PIK3C2G: variants seen among roughly 807,000 people sequenced by gnomAD.
PIK3C2G encodes phosphatidylinositol 3-kinase C2 domain-containing subunit gamma.
PIK3C2G carries 168 observed loss-of-function variants against 181.1 expected under a neutral mutation model. The ratio of observed to expected loss-of-function variants is 0.93; its 90% confidence interval spans 0.82 to 1.05. The LOEUF (loss-of-function observed/expected upper bound fraction) is 1.05, where lower values mean the gene tolerates loss of function less well. Among genes scored for constraint, PIK3C2G ranks in the 50% least tolerant of loss-of-function variants. The pLI, the probability that PIK3C2G is intolerant of heterozygous loss-of-function variation, is 0.00. For missense variants in PIK3C2G, 1,869 were observed against 1,732.8 expected, an observed-to-expected ratio of 1.08 and a Z score of -1.40; for synonymous variants, 573 against 592.2, an observed-to-expected ratio of 0.97 and a Z score of 0.47.
At position 18,282,010 on chromosome 12, in the gene PIK3C2G, T is replaced by A; in HGVS notation, c.-72T>A. On this transcript the variant is annotated 5_prime_UTR_variant, in exon 2 of 33. Transcript: ENST00000538779. ...CATTTTATGCTTTTTCTAGGAAAAT[T>A]TCTATCTTCTTTTGTATTATCAAGG... The A allele has an allele frequency of 1.1e-6, 1 of 875,080 alleles. No homozygotes were observed. The highest frequency in any genetic ancestry group is 1.7e-6 in the Non-Finnish European group (1 of 574,900). The allele number at this position is 875,080 out of a possible 1,614,324, so 54.2% of individuals were successfully genotyped here.
At chr12:18,477,614 C>G (rs745955056) in intron 18 of PIK3C2G, among the ~76,000 whole-genome samples, 8 of 152,184 alleles carry the variant, frequency 5.3e-5, no homozygotes, top group Admixed American at 1.3e-4. Context: ...TGGTCCCAGC[C>G]AACTTTAGGG....
At chr12:18,710,126 T>C in the PIK3C2G span, among the ~76,000 whole-genome samples, 2 of 150,500 alleles carry the variant, frequency 1.3e-5, no homozygotes, top group East Asian at 2.0e-4. Flanking sequence ...GCTTCTTTTC[T>C]TCCTATTGGA....
intron 29 of PIK3C2G, among the ~76,000 whole-genome samples, chr12:18,583,345 GA>G (rs1946602030): frequency 6.6e-6 from 1 of 151,942 alleles, no homozygotes; most frequent in Admixed American, 6.6e-5. Context: ...CAGCCCTACA[GA>G]AAAGTGGCCA....
intron 5 of PIK3C2G, among the ~76,000 whole-genome samples, chr12:18,296,851 C>G (rs760994826): frequency 6.6e-6 from 1 of 151,928 alleles, no homozygotes; most frequent in African/African-American, 2.4e-5. Context: ...TTTTGTCATA[C>G]GTTCATGGAA....
the PIK3C2G span, among the ~76,000 whole-genome samples, chr12:18,696,548 TA>T: frequency 6.6e-6 from 1 of 151,806 alleles, no homozygotes; most frequent in Non-Finnish European, 1.5e-5. Context: ...ATAATTTATA[TA>T]TTTTTTACAC....
At chr12:18,620,647 A>C (rs2136663369) in intron 31 of PIK3C2G, among the ~76,000 whole-genome samples, 1 of 152,160 alleles carries the variant, frequency 6.6e-6, no homozygotes. Context: ...TAACTCTTTA[A>C]ACTTTCCCAA....
intron 3 of PIK3C2G, among the ~76,000 whole-genome samples, chr12:18,290,363 T>A (rs1260314967): frequency 1.3e-5 from 2 of 152,178 alleles, no homozygotes; most frequent in African/African-American, 2.4e-5. Flanking sequence ...TTGTGTAGTA[T>A]CCAAAAATTT....
the PIK3C2G span, among the ~76,000 whole-genome samples, chr12:18,686,163 T>C: frequency 2.6e-5 from 4 of 151,904 alleles, no homozygotes; most frequent in East Asian, 5.8e-4. Context: ...GCCTCCTTTA[T>C]ACCATGACTT....
intron 13 of PIK3C2G, chr12:18,372,432 C>T (rs1942133752): frequency 6.6e-6 from 1 of 152,166 alleles, no homozygotes; most frequent in African/African-American, 2.4e-5. Flanking sequence ...AATAGGATTT[C>T]AAGGTCTATA....
At chr12:18,251,888 CTT>C (rs760268331) in intron 1 of PIK3C2G, among the ~76,000 whole-genome samples, 1 of 151,998 alleles carries the variant, frequency 6.6e-6, no homozygotes. Flanking sequence ...ACACGTGACA[CTT>C]TGTAATATTC....
chr12:18,546,278 T>G, intron 25 of PIK3C2G, 45 bp from the exon 26 acceptor site: 2 of 1,141,296 alleles, frequency 1.8e-6, no homozygotes, highest in Non-Finnish European at 2.6e-6. Flanking sequence ...GTATCTGCAT[T>G]TATTCTGTCT....
At chr12:18,466,314 A>C (rs1937876513) in intron 18 of PIK3C2G, among the ~76,000 whole-genome samples, 1 of 151,624 alleles carries the variant, frequency 6.6e-6, no homozygotes, top group South Asian at 2.1e-4. Flanking sequence ...TTACGGATCT[A>C]ATTCTTTCTT....
the PIK3C2G span, chr12:18,723,503 C>T: frequency 6.2e-7 from 1 of 1,612,640 alleles, no homozygotes; most frequent in Non-Finnish European, 8.5e-7. Context: ...GCTCTAAATT[C>T]TTCTATGGTG....
chr12:18,320,833 A>T lies in PIK3C2G; in HGVS notation c.1138-129A>T. ...AGCCTTTTAAGGTCTTTCAGACAGA[A>T]TATAAAAGCGATGAATGAGGTTTAT... On this transcript the variant is annotated intron_variant, in intron 6 of 32. Transcript: ENST00000538779. The T allele has an allele frequency of 6.4e-6, 4 of 626,596 alleles. No homozygotes were observed. The East Asian group carries it at 1.1e-4, about 18-fold the overall frequency. The allele number at this position is 626,596 out of a possible 1,614,324, so 38.8% of individuals were successfully genotyped here.
At chr12:18,514,795 A>G (rs899450023) in intron 24 of PIK3C2G, among the ~76,000 whole-genome samples, 5 of 151,984 alleles carry the variant, frequency 3.3e-5, no homozygotes, top group Non-Finnish European at 7.4e-5. Flanking sequence ...AAAAGTGGTT[A>G]AAGTGGGCAT....
intron 5 of PIK3C2G, among the ~76,000 whole-genome samples, chr12:18,302,127 T>A (rs1056285785): frequency 2.0e-5 from 3 of 152,186 alleles, no homozygotes; most frequent in Non-Finnish European, 2.9e-5. Flanking sequence ...GTCTTTGGGC[T>A]CCTGGGTAGC....
intron 18 of PIK3C2G, among the ~76,000 whole-genome samples, chr12:18,428,136 T>C (rs1945945357): frequency 6.6e-6 from 1 of 151,920 alleles, no homozygotes; most frequent in Non-Finnish European, 1.5e-5. Context: ...TCAGGCAACA[T>C]GCACTAAGCA....
the PIK3C2G span, chr12:18,683,222 T>C: frequency 6.2e-7 from 1 of 1,607,682 alleles, no homozygotes. Context: ...TAATGATATG[T>C]CATTTATCAT....
chr12:18,673,551 G>A, the PIK3C2G span, among the ~76,000 whole-genome samples: 1 of 152,086 alleles, frequency 6.6e-6, no homozygotes. Context: ...TCCCCACAAA[G>A]AAAAGACCTA....
Sources: allele counts gnomAD v4.1 joint callset (sites outside exome capture counted in the v4.1 genomes callset), GRCh38; gene constraint gnomAD v4.1.1; transcripts MANE v1.5; gene names NCBI Gene and HGNC (gene_info 2026-07-23, HGNC 2026-07-21).